TRIO: variants seen among roughly 807,000 people sequenced by gnomAD.
The protein encoded by TRIO is trio Rho guanine nucleotide exchange factor.
TRIO carries 58 observed loss-of-function variants against 351.9 expected under a neutral mutation model. The ratio of observed to expected loss-of-function variants is 0.16; its 90% CI spans 0.13 to 0.21. TRIO has a LOEUF of 0.21. TRIO is among the 10% of genes least tolerant of loss of function. The probability of loss-of-function intolerance (pLI) is 1.00; values close to 1 mark genes in which losing one functional copy is unlikely to be tolerated. For missense variants in TRIO, 3,201 were observed against 4,027.8 expected (o/e 0.79, Z 5.56); for synonymous variants, 1,758 against 1,595.7 (o/e 1.10, Z -2.42).
At chr5:14,475,834 C>CGG (rs3840117) in intron 40 of TRIO, among the ~76,000 whole-genome samples, 19 of 152,036 alleles carry the variant, frequency 1.2e-4, no homozygotes, top group Admixed American at 2.6e-4. Flanking sequence ...GTCTGCGCAG[C>CGG]GGGGATAGTA....
At chr5:14,502,759 T>C (rs1225594053) in intron 54 of TRIO, 102 bp downstream of exon 54, 3 of 1,122,074 alleles carry the variant, frequency 2.7e-6, no homozygotes, top group Non-Finnish European at 4.0e-6. Context: ...TTGCCAGCAA[T>C]TGGAAGCTGT....
intron 21 of TRIO, among the ~76,000 whole-genome samples, chr5:14,382,521 G>A (rs1746197572): frequency 6.6e-6 from 1 of 152,138 alleles, no homozygotes; most frequent in South Asian, 2.1e-4. Flanking sequence ...CCCAGGGTGG[G>A]GGTGTGGTGA....
intron 1 of TRIO, among the ~76,000 whole-genome samples, chr5:14,146,906 G>A (rs908742406): frequency 6.6e-6 from 1 of 152,168 alleles, no homozygotes; most frequent in East Asian, 1.9e-4. Flanking sequence ...TCCGTTCTCT[G>A]CTCAGGACCT....
chr5:14,316,204 A>C (rs898897922), intron 8 of TRIO, among the ~76,000 whole-genome samples: 2 of 152,232 alleles, frequency 1.3e-5, no homozygotes, highest in Non-Finnish European at 2.9e-5. Context: ...TAGTATGCCT[A>C]TTCATTGAGT....
chr5:14,498,539 T>G lies in TRIO; in HGVS notation c.8231T>G (p.Leu2744Arg). The change falls in exon 53 of 57, where the codon CTG becomes CGG. Residue 2744 changes from leucine (L) to arginine (R), a missense_variant. By Grantham distance (102) the Leu-to-Arg change is moderately radical. This residue lies in a region of TRIO where 1,089 missense variants were observed against 954.9 expected (regional missense o/e 1.14). Coordinates refer to ENST00000344204, the MANE Select transcript of TRIO (RefSeq NM_007118.4). ...ISYSDLGEAT[L>R]KIVGVTTEDD... ...CGCAGTGACCTGGGAGAGGCCACGC[T>G]GAAGATTGTGGGCGTGACCACGGAA... 6.2e-7 allele frequency: 1 copy of G among 1,614,146 alleles called. No individual in the cohort carries two copies. The highest frequency in any genetic ancestry group is 8.5e-7 in the Non-Finnish European group (1 of 1,179,976).
At chr5:14,458,845 T>A (rs915064181) in intron 34 of TRIO, among the ~76,000 whole-genome samples, 1 of 152,188 alleles carries the variant, frequency 6.6e-6, no homozygotes, top group South Asian at 2.1e-4. Context: ...CCTGAGAAAG[T>A]CCCTGGGAAT....
At chr5:14,406,788 C>A in intron 33 of TRIO, 116 bp downstream of exon 33, 5 of 1,029,304 alleles carry the variant, frequency 4.9e-6, no homozygotes, top group Non-Finnish European at 4.3e-6. Context: ...GCAGTTGATA[C>A]GTGCCAGGAG....
chr5:14,453,940 CT>C (rs1208943509), intron 34 of TRIO, among the ~76,000 whole-genome samples: 63 of 146,916 alleles, frequency 4.3e-4, no homozygotes, highest in Middle Eastern at 3.5e-3. Context: ...ATAGATGCAT[CT>C]TTTTTTTTTT....
At position 14,482,696 on chromosome 5, in the gene TRIO, A is replaced by G. The variant is rs1439814618; in HGVS notation, c.6580A>G (p.Ile2194Val). Residue 2194 changes from isoleucine (I) to valine (V), a missense_variant, in exon 46 of 57, where the codon ATC (isoleucine) becomes GTC (valine). This residue lies in a region of TRIO where 1,089 missense variants were observed against 954.9 expected (regional missense o/e 1.14). Coordinates refer to ENST00000344204, the MANE Select transcript of TRIO (RefSeq NM_007118.4). ...GAGGCGCATCTTCCTCTTTGAGCAG[A>G]TCGTCATATTCAGCGAACCACTTGA... ...RERRIFLFEQ[I>V]VIFSEPLDKK... is the part of the protein sequence containing the mutation. 1 of 1,612,026 alleles carries G rather than the reference A, an allele frequency of 6.2e-7. No homozygotes were observed.
intron 44 of TRIO, 106 bp from the exon 45 acceptor site, chr5:14,481,435 T>C (rs1755506911): frequency 2.0e-6 from 3 of 1,497,042 alleles, no homozygotes; most frequent in Admixed American, 1.7e-5. Flanking sequence ...CCCTGCACAC[T>C]AGAGGGTGGG....
intron 55 of TRIO, 73 bp from the exon 56 acceptor site, chr5:14,507,049 T>G: frequency 6.7e-7 from 1 of 1,494,288 alleles, no homozygotes; most frequent in Non-Finnish European, 8.9e-7. Context: ...TCCGACATGT[T>G]TACTTCTTAC....
chr5:14,175,643 T>C (rs1338215248), intron 1 of TRIO, among the ~76,000 whole-genome samples: 1 of 152,266 alleles, frequency 6.6e-6, no homozygotes, highest in Admixed American at 6.5e-5. Flanking sequence ...AGCTTACTTA[T>C]ATCTACCTGG....
At position 14,293,130 on chromosome 5, in the gene TRIO, G is replaced by A. The variant is rs746616447; in HGVS notation, c.1172G>A (p.Cys391Tyr). The A allele has an allele frequency of 6.2e-7, 1 of 1,614,124 alleles. No homozygotes were observed. Among genetic ancestry groups the A allele is most frequent in the East Asian group, 2.2e-5 (1 of 44,884 alleles). Residue 391 changes from cysteine to tyrosine, a missense_variant, in exon 6 of 57, where the codon TGT becomes TAT. Around this residue, in one of 19 missense-constraint regions of TRIO, gnomAD observed 349 missense variants for 449.3 expected, o/e 0.78. Coordinates refer to ENST00000344204, the MANE Select transcript of TRIO (RefSeq NM_007118.4). ...QTQHNHFAMN[C>Y]MNVYVNINRI... ...CAGCACAATCACTTTGCCATGAACT[G>A]TATGGTAAGACACTCGGAACAGCTG...
At chr5:14,317,511 G>GT in intron 9 of TRIO, among the ~76,000 whole-genome samples, 1 of 152,314 alleles carries the variant, frequency 6.6e-6, no homozygotes, top group East Asian at 1.9e-4. Flanking sequence ...TAAGCCTGCA[G>GT]TAGAGCCACT....
chr5:14,351,722 GA>G (rs1212582660), intron 11 of TRIO, among the ~76,000 whole-genome samples: 1 of 152,194 alleles, frequency 6.6e-6, no homozygotes, highest in Non-Finnish European at 1.5e-5. Context: ...AGGACCCCAG[GA>G]GATGTGTTGG....
At chr5:14,470,161 C>T (rs1459711836) in intron 37 of TRIO, among the ~76,000 whole-genome samples, 2 of 152,164 alleles carry the variant, frequency 1.3e-5, no homozygotes, top group Non-Finnish European at 2.9e-5. Context: ...AAAATAAGAT[C>T]AGCAGTTGGT....
chr5:14,243,241 T>C (rs1268481811), intron 1 of TRIO, among the ~76,000 whole-genome samples: 1 of 152,144 alleles, frequency 6.6e-6, no homozygotes, highest in South Asian at 2.1e-4. Context: ...CCTCTGCTGT[T>C]ACTCCCCCCT....
intron 7 of TRIO, among the ~76,000 whole-genome samples, chr5:14,299,208 G>A (rs1737647284): frequency 6.6e-6 from 1 of 152,048 alleles, no homozygotes; most frequent in African/African-American, 2.4e-5. Flanking sequence ...AAGAGCCTGG[G>A]GTATTCTCAT....
chr5:14,507,278 C>T lies in TRIO; in HGVS notation c.8751+18C>T. 3 of 1,610,576 alleles carry T rather than the reference C, an allele frequency of 1.9e-6. No individual in the cohort carries two copies. The highest frequency in any genetic ancestry group is 2.5e-6 in the Non-Finnish European group (3 of 1,179,744). ...ACCTAAAGGTTGGTGAGGCCCCGGG[C>T]AGGTGAAGGGGGGTCTGAGCACACC... is the stretch of plus-strand genomic sequence containing the variant. On this transcript the variant is annotated intron_variant, in intron 56 of 56. Coordinates refer to ENST00000344204, the MANE Select transcript of TRIO (RefSeq NM_007118.4).
Sources: allele counts gnomAD v4.1 joint callset (sites outside exome capture counted in the v4.1 genomes callset), GRCh38; gene constraint gnomAD v4.1.1; regional missense constraint gnomAD v4.1.1; transcripts MANE v1.5; gene names NCBI Gene and HGNC (gene_info 2026-07-23, HGNC 2026-07-21).